The following AOPEP variants were observed in gnomAD, a reference collection of about 807,000 sequenced individuals.
AOPEP encodes the protein aminopeptidase O.
AOPEP carries 77 observed loss-of-function variants against 98.1 expected under a neutral mutation model. The ratio of observed to expected loss-of-function variants is 0.78; its 90% CI spans 0.65 to 0.95. The LOEUF is 0.95. AOPEP is among the 40% of genes least tolerant of loss of function. AOPEP has a pLI of 0.00. For synonymous variants in AOPEP, 346 were observed against 365.3 expected, an observed-to-expected ratio of 0.95 and a Z score of 0.60; for missense variants, 1,024 against 1,024.7, an observed-to-expected ratio of 1.00 and a Z score of 0.01.
At chr9:94,939,468 G>A (rs928039112) in intron 7 of AOPEP, among the ~76,000 whole-genome samples, 11 of 152,112 alleles carry the variant, frequency 7.2e-5, no homozygotes, top group African/African-American at 2.7e-4. Context: ...TATGGATTGA[G>A]CTTCACTCCA....
At chr9:95,115,927 G>A in the AOPEP span, among the ~76,000 whole-genome samples, 1 of 152,160 alleles carries the variant, frequency 6.6e-6, no homozygotes, top group Non-Finnish European at 1.5e-5. Context: ...ATAAATTTCT[G>A]ATAAACAGAA....
In AOPEP at chr9:94,934,315, C is replaced by CTTTTTTTTTT. The variant is rs974551445; in HGVS notation, c.1661+5794_1661+5803dup. On this transcript the variant is annotated intron_variant, in intron 7 of 16. Transcript: ENST00000375315. Reference sequence around the variant, plus strand: ...CTGACTATGCTCACACTTCTCCCATCTTTTTTTTTTTTTTTTTTTGAGACA... The same window carrying CTTTTTTTTTT: ...CTGACTATGCTCACACTTCTCCCATCTTTTTTTTTTTTTTTTTTTTTTTTTTTTTGAGACA... Among the ~76,000 whole-genome samples the CTTTTTTTTTT allele has an allele frequency of 4.4e-4, 51 of 116,726 alleles. 2 individuals carry two copies. The highest frequency in any genetic ancestry group is 1.9e-3 in the African/African-American group (49 of 25,200). The allele number at this position is 116,726 out of a possible 152,430, so 76.6% of individuals were successfully genotyped here.
intron 13 of AOPEP, among the ~76,000 whole-genome samples, chr9:95,015,771 A>G (rs2062928078): frequency 6.6e-6 from 1 of 152,216 alleles, no homozygotes; most frequent in Non-Finnish European, 1.5e-5. Context: ...GTGCAGTTTC[A>G]TTCAACTCTT....
rs34620463 is a variant in AOPEP at position 94,903,892 on chromosome 9, T to TTAAA, written c.1365-20094_1365-20093insTAAA. On this transcript the variant is annotated intron_variant, in intron 5 of 16. Coordinates refer to ENST00000375315, the MANE Select transcript of AOPEP (RefSeq NM_001193329.3). ...ATGGGCAACAGAGTGAGACTCTGTC[T>TTAAA]AAAAAAAAAAAAAAAAAAAAGTTCA... Among the ~76,000 whole-genome samples, 6 of 96,594 alleles carry TTAAA rather than the reference T, an allele frequency of 6.2e-5. No individual in the cohort carries two copies. The East Asian group carries it at 1.8e-3, about 30-fold the overall frequency. 63.4% of individuals were successfully genotyped at this position (96,594 alleles called of 152,430 possible).
At chr9:95,082,774 G>A in intron 16 of AOPEP, 55 bp downstream of exon 16, 1 of 1,587,960 alleles carries the variant, frequency 6.3e-7, no homozygotes, top group South Asian at 1.1e-5. Context: ...ACTCCTTTTA[G>A]GAGCCAACTA....
intron 3 of AOPEP, among the ~76,000 whole-genome samples, chr9:94,777,508 C>T (rs1319473412): frequency 1.3e-5 from 2 of 150,786 alleles, no homozygotes; most frequent in Non-Finnish European, 2.9e-5. Context: ...ACAAAAATGT[C>T]ACTATGGAAA....
rs1411266410 is a variant in AOPEP, at chr9:95,060,703, G to C, written c.2125G>C (p.Asp709His). 1 of 1,613,030 alleles carries C rather than the reference G, an allele frequency of 6.2e-7. No homozygotes were observed. Among genetic ancestry groups the C allele is most frequent in the African/African-American group, 1.3e-5 (1 of 74,990 alleles). Residue 709 changes from aspartate (D) to histidine (H), a missense_variant, in exon 14 of 17, where the codon GAC (aspartate) becomes CAC (histidine). By Grantham distance (81) the Asp-to-His change is moderately conservative. Coordinates refer to ENST00000375315, the MANE Select transcript of AOPEP (RefSeq NM_001193329.3). ...KEEVFEKLLPDQLVLLLEHLL... is the reference protein window; with the variant it reads ...KEEVFEKLLPHQLVLLLEHLL... Reference sequence around the variant, plus strand: ...TTGGTTTTGTCTTTAGCTTCTTCCAGACCAGCTGGTCTTGCTTCTGGAGCA... The same window carrying C: ...TTGGTTTTGTCTTTAGCTTCTTCCACACCAGCTGGTCTTGCTTCTGGAGCA...
At chr9:94,985,311 G>A (rs2060452299) in intron 11 of AOPEP, among the ~76,000 whole-genome samples, 1 of 152,246 alleles carries the variant, frequency 6.6e-6, no homozygotes, top group South Asian at 2.1e-4. Flanking sequence ...ACACCTGCAA[G>A]TTGCCAGAGG....
chr9:95,011,626 TAGAG>T (rs1379923197), intron 13 of AOPEP, among the ~76,000 whole-genome samples: 15 of 152,140 alleles, frequency 9.9e-5, no homozygotes, highest in Admixed American at 2.0e-4. Context: ...TTGGGCAACA[TAGAG>T]AGACCCCATC....
At chr9:95,019,297 G>A (rs1208861664) in intron 13 of AOPEP, 1 of 152,190 alleles carries the variant, frequency 6.6e-6, no homozygotes, top group Non-Finnish European at 1.5e-5. Context: ...TAGTACAATA[G>A]ATTGTCCTTG....
At chr9:95,021,355 G>C (rs1296762482) in intron 13 of AOPEP, among the ~76,000 whole-genome samples, 4 of 152,176 alleles carry the variant, frequency 2.6e-5, no homozygotes, top group Non-Finnish European at 4.4e-5. Context: ...AGCTGATTCA[G>C]ACTTGCAGAA....
intron 16 of AOPEP, chr9:95,086,154 C>T: frequency 1.5e-6 from 2 of 1,344,196 alleles, no homozygotes; most frequent in Non-Finnish European, 2.0e-6. Flanking sequence ...CTGGGGCTCC[C>T]ACTCGCGGCA....
chr9:95,005,474 C>G, intron 12 of AOPEP, 68 bp from the exon 13 acceptor site: 1 of 1,463,812 alleles, frequency 6.8e-7, no homozygotes, highest in Non-Finnish European at 9.6e-7. Flanking sequence ...TCTCTGCTTT[C>G]TCGCGCTGGG....
At chr9:94,916,578 C>A (rs1381492970) in intron 5 of AOPEP, among the ~76,000 whole-genome samples, 1 of 151,840 alleles carries the variant, frequency 6.6e-6, no homozygotes, top group African/African-American at 2.4e-5. Flanking sequence ...TGGGGCACAC[C>A]TGTAGTCCCA....
At chr9:95,005,996 C>G (rs916515650) in intron 13 of AOPEP, 9 of 484,230 alleles carry the variant, frequency 1.9e-5, no homozygotes, top group Non-Finnish European at 3.4e-5. Flanking sequence ...TTTCTCTCAC[C>G]TAGACTTTAA....
At chr9:94,819,439 T>C (rs1852476644) in intron 5 of AOPEP, among the ~76,000 whole-genome samples, 1 of 152,188 alleles carries the variant, frequency 6.6e-6, no homozygotes, top group Non-Finnish European at 1.5e-5. Flanking sequence ...TCTGAATGCC[T>C]AGCCCTCTCC....
At chr9:94,811,112 G>C (rs1389447957) in intron 5 of AOPEP, among the ~76,000 whole-genome samples, 1 of 152,138 alleles carries the variant, frequency 6.6e-6, no homozygotes, top group Non-Finnish European at 1.5e-5. Context: ...CAGTTGTCAG[G>C]CTTGTCTGCT....
At chr9:94,872,253 C>CG (rs1322085419) in intron 5 of AOPEP, among the ~76,000 whole-genome samples, 1 of 152,082 alleles carries the variant, frequency 6.6e-6, no homozygotes, top group Non-Finnish European at 1.5e-5. Context: ...GAGATCTAAA[C>CG]GGGGGCAGTA....
At chr9:94,861,009 G>A (rs1305812655) in intron 5 of AOPEP, among the ~76,000 whole-genome samples, 3 of 152,094 alleles carry the variant, frequency 2.0e-5, no homozygotes, top group Admixed American at 6.5e-5. Flanking sequence ...TGCTTTTTGC[G>A]GTTTCTTTCA....
Sources: allele counts gnomAD v4.1 joint callset (sites outside exome capture counted in the v4.1 genomes callset), GRCh38; gene constraint gnomAD v4.1.1; transcripts MANE v1.5; gene names NCBI Gene and HGNC (gene_info 2026-07-23, HGNC 2026-07-21).